The following CNTNAP2 variants were observed in gnomAD, a reference collection of about 807,000 sequenced individuals.
CNTNAP2 encodes the protein contactin associated protein 2.
CNTNAP2 carries 98 observed loss-of-function variants against 155.2 expected under a neutral mutation model. That is an observed-to-expected ratio of 0.63 (90% CI 0.54 to 0.75). The LOEUF (loss-of-function observed/expected upper bound fraction) is 0.75, where lower values mean the gene tolerates loss of function less well. Among genes scored for constraint, CNTNAP2 ranks in the 30% least tolerant of loss-of-function variants. CNTNAP2 has a pLI of 0.00. For synonymous variants in CNTNAP2, 651 were observed against 631.2 expected, an observed-to-expected ratio of 1.03 and a Z score of -0.47; for missense variants, 1,727 against 1,688.1, an observed-to-expected ratio of 1.02 and a Z score of -0.40.
At chr7:147,249,251 C>T (rs1213260708) in intron 8 of CNTNAP2, among the ~76,000 whole-genome samples, 1 of 151,960 alleles carries the variant, frequency 6.6e-6, no homozygotes, top group Admixed American at 6.6e-5. Flanking sequence ...TGTTTTATGC[C>T]TGTGATTATA....
chr7:147,960,847 T>C (rs914469259), intron 14 of CNTNAP2, among the ~76,000 whole-genome samples: 3 of 152,088 alleles, frequency 2.0e-5, no homozygotes, highest in African/African-American at 7.2e-5. Flanking sequence ...TCTGTCTCTC[T>C]CTTTCTTTCT....
At chr7:146,210,591 G>C (rs532813361) in intron 1 of CNTNAP2, among the ~76,000 whole-genome samples, 2 of 152,072 alleles carry the variant, frequency 1.3e-5, no homozygotes, top group Non-Finnish European at 2.9e-5. Flanking sequence ...GGTGTGAGCC[G>C]TTGTGCCTGG....
At chr7:146,525,064 TAGA>T (rs1357598216) in intron 1 of CNTNAP2, among the ~76,000 whole-genome samples, 1 of 152,058 alleles carries the variant, frequency 6.6e-6, no homozygotes, top group African/African-American at 2.4e-5. Flanking sequence ...ATAAAAAGTA[TAGA>T]AGGTCAGTGG....
At chr7:147,981,819 T>TGTGTGTGTGTGTGTGTGTGTGTGG (rs1404450002) in intron 15 of CNTNAP2, among the ~76,000 whole-genome samples, 4 of 113,744 alleles carry the variant, frequency 3.5e-5, no homozygotes, top group African/African-American at 1.3e-4. Context: ...GTGTGTGTGG[T>TGTGTGTGTGTGTGTGTGTGTGTGG]TTTTTTTTTC....
chr7:146,128,806 A>G (rs1158367344), intron 1 of CNTNAP2, among the ~76,000 whole-genome samples: 1 of 152,142 alleles, frequency 6.6e-6, no homozygotes, highest in Non-Finnish European at 1.5e-5. Flanking sequence ...GCATCATACT[A>G]AGAAGTATTA....
intron 8 of CNTNAP2, among the ~76,000 whole-genome samples, chr7:147,209,473 T>G (rs1385641215): frequency 8.5e-5 from 13 of 152,066 alleles, no homozygotes. Flanking sequence ...ATTAGTTATC[T>G]GTTCTAGGAG....
At chr7:148,055,352 G>C (rs549737771) in intron 15 of CNTNAP2, among the ~76,000 whole-genome samples, 1 of 152,298 alleles carries the variant, frequency 6.6e-6, no homozygotes, top group East Asian at 1.9e-4. Flanking sequence ...CTCAGCAATA[G>C]CTTATAGGAA....
intron 18 of CNTNAP2, among the ~76,000 whole-genome samples, chr7:148,186,830 T>C (rs895843931): frequency 1.3e-5 from 2 of 152,170 alleles, no homozygotes; most frequent in African/African-American, 4.8e-5. Context: ...TTAAAACTAA[T>C]ATGCTGACAC....
At chr7:147,068,023 C>G (rs1240805135) in intron 4 of CNTNAP2, among the ~76,000 whole-genome samples, 1 of 152,178 alleles carries the variant, frequency 6.6e-6, no homozygotes, top group Non-Finnish European at 1.5e-5. Flanking sequence ...TGTGCAAGCT[C>G]GAATACTGTT....
At chr7:146,999,243 C>CAAA (rs3081713) in intron 3 of CNTNAP2, among the ~76,000 whole-genome samples, 6 of 131,576 alleles carry the variant, frequency 4.6e-5, no homozygotes, top group African/African-American at 1.6e-4. Context: ...AGTTTGATTG[C>CAAA]AAAAAAAAAA....
chr7:146,161,900 G>A (rs1409598854), intron 1 of CNTNAP2, among the ~76,000 whole-genome samples: 16 of 152,010 alleles, frequency 1.1e-4, no homozygotes, highest in East Asian at 5.8e-4. Flanking sequence ...TGACAAAAAC[G>A]AGAAATGGGG....
At chr7:147,406,912 G>T (rs1257467351) in intron 10 of CNTNAP2, among the ~76,000 whole-genome samples, 1 of 152,148 alleles carries the variant, frequency 6.6e-6, no homozygotes, top group East Asian at 1.9e-4. Context: ...TACAACATTT[G>T]TGTATAGCAT....
At chr7:147,855,269 A>G (rs546781114) in intron 13 of CNTNAP2, among the ~76,000 whole-genome samples, 1 of 152,214 alleles carries the variant, frequency 6.6e-6, no homozygotes, top group South Asian at 2.1e-4. Flanking sequence ...ACTCCCAGGA[A>G]GCCAACTGGT....
At chr7:146,815,650 G>A (rs1419841833) in intron 2 of CNTNAP2, among the ~76,000 whole-genome samples, 1 of 152,060 alleles carries the variant, frequency 6.6e-6, no homozygotes, top group Non-Finnish European at 1.5e-5. Flanking sequence ...TGAGTACTTA[G>A]TAAATATTTC....
At chr7:147,740,672 C>T (rs1474108657) in intron 13 of CNTNAP2, among the ~76,000 whole-genome samples, 3 of 152,174 alleles carry the variant, frequency 2.0e-5, no homozygotes, top group African/African-American at 7.2e-5. Flanking sequence ...TCATCAGTCA[C>T]TTCCTCAAAT....
intron 1 of CNTNAP2, among the ~76,000 whole-genome samples, chr7:146,543,365 C>T (rs547746384): frequency 2.3e-4 from 35 of 151,934 alleles, no homozygotes; most frequent in African/African-American, 8.2e-4. Context: ...ACATAAACCT[C>T]AGTCAAGGTA....
intron 1 of CNTNAP2, among the ~76,000 whole-genome samples, chr7:146,267,833 G>T (rs1273860064): frequency 2.6e-5 from 4 of 152,050 alleles, no homozygotes; most frequent in African/African-American, 9.7e-5. Flanking sequence ...CTCTAAACCA[G>T]ATTTTCTATA....
chr7:146,940,648 G>A (rs938498744), intron 3 of CNTNAP2, among the ~76,000 whole-genome samples: 2 of 151,574 alleles, frequency 1.3e-5, no homozygotes, highest in Non-Finnish European at 2.9e-5. Context: ...TTGAATTTAA[G>A]CTCCACAGAG....
chr7:147,985,468 T>TA (rs1801603797), intron 15 of CNTNAP2, among the ~76,000 whole-genome samples: 1 of 147,658 alleles, frequency 6.8e-6, no homozygotes, highest in African/African-American at 2.5e-5. Flanking sequence ...CATTGGCTCT[T>TA]ACACTGGCAA....
Sources: allele counts gnomAD v4.1 joint callset (sites outside exome capture counted in the v4.1 genomes callset), GRCh38; gene constraint gnomAD v4.1.1; transcripts MANE v1.5; gene names NCBI Gene and HGNC (gene_info 2026-07-23, HGNC 2026-07-21).